CYB5R3: variants seen among roughly 807,000 people sequenced by gnomAD.
CYB5R3 encodes the protein NADH-cytochrome b5 reductase 3.
Under a neutral mutation model 36.5 loss-of-function variants are expected in CYB5R3, and 28 were observed. The observed-to-expected ratio is 0.77, with a 90% confidence interval of 0.57 to 1.05. The LOEUF is 1.05. CYB5R3 is among the 50% of genes least tolerant of loss of function. The probability of loss-of-function intolerance (pLI) is 0.00; values close to 1 mark genes in which losing one functional copy is unlikely to be tolerated. For synonymous variants in CYB5R3, 181 were observed against 159.8 expected (o/e 1.13, Z -1.00); for missense variants, 474 against 408.9 (o/e 1.16, Z -1.37).
At chr22:42,648,839 T>TAC (rs962507681) in intron 1 of CYB5R3, among the ~76,000 whole-genome samples, 9 of 135,806 alleles carry the variant, frequency 6.6e-5, no homozygotes, top group South Asian at 4.6e-4. Context: ...CATACTCCCG[T>TAC]ACACACACAC....
chr22:42,623,674 G>T lies in CYB5R3; in HGVS notation c.733+115C>A, dbSNP rs572444408. ...GGGGCCACACCACCTGCCTCCCACA[G>T]GGCCATAGTGAGTGCCAGATGTCGT... On this transcript the variant is annotated intron_variant, in intron 8 of 8. Transcript: ENST00000352397. 4.8e-6 allele frequency: 4 copies of T among 836,164 alleles called. No homozygotes were observed. In the Admixed American group the frequency reaches 5.4e-5, roughly 11 times the overall value. 51.8% of individuals were successfully genotyped at this position (836,164 alleles called of 1,614,324 possible).
At chr22:42,623,912 T>TCA (rs1004822013) in intron 7 of CYB5R3, 24 bp from the exon 8 acceptor site, 1 of 1,599,872 alleles carries the variant, frequency 6.3e-7, no homozygotes, top group Admixed American at 1.7e-5. Flanking sequence ...GGCCAGGCAG[T>TCA]CAGGAAGGAT....
chr22:42,631,315 C>T, intron 3 of CYB5R3, 63 bp downstream of exon 3: 1 of 1,467,184 alleles, frequency 6.8e-7, no homozygotes, highest in Non-Finnish European at 9.3e-7. Context: ...GCTTCCATCT[C>T]TCTGATCTAG....
chr22:42,646,482 T>C lies in CYB5R3; in HGVS notation c.21+2813A>G, dbSNP rs551802290. 3.3e-5 allele frequency among the ~76,000 whole-genome samples: 5 copies of C among 152,260 alleles called. No homozygotes were observed. The South Asian group carries it at 1.0e-3, about 32-fold the overall frequency. ...AATGCCCTGCGCAGCTGCCCACCCC[T>C]GGAATTCCCCACTGGGACCCTGGCC... On this transcript the variant is annotated intron_variant, in intron 1 of 8. Transcript: ENST00000352397.
rs1323133734 is a variant in CYB5R3, at chr22:42,631,364, G to A, written c.226+14C>T. On this transcript the variant is annotated intron_variant, in intron 3 of 8. Transcript: ENST00000352397. ...TGCCGGGCTCCGAATGGGCCCAGCA[G>A]GGGCGTGACTCACCGACAGGGAGGC... The A allele has an allele frequency of 1.1e-5, 17 of 1,551,272 alleles. No homozygotes were observed. The highest frequency in any genetic ancestry group is 2.0e-5 in the Admixed American group (1 of 51,004).
At chr22:42,634,420 A>G (rs1270582755) in intron 2 of CYB5R3, among the ~76,000 whole-genome samples, 2 of 151,974 alleles carry the variant, frequency 1.3e-5, no homozygotes, top group African/African-American at 4.8e-5. Flanking sequence ...CTCATCTGGG[A>G]GGTGGTGATT....
intron 1 of CYB5R3, chr22:42,646,805 A>G: frequency 1.0e-6 from 1 of 986,086 alleles, no homozygotes; most frequent in Non-Finnish European, 1.2e-6. Context: ...GAGAAGGAAC[A>G]GGTGGACACA....
At chr22:42,630,815 T>C in intron 4 of CYB5R3, 67 bp downstream of exon 4, 1 of 1,347,596 alleles carries the variant, frequency 7.4e-7, no homozygotes, top group Non-Finnish European at 1.0e-6. Context: ...GTCCAGGGGG[T>C]CCACATGGGC....
intron 8 of CYB5R3, among the ~76,000 whole-genome samples, chr22:42,622,153 C>G (rs1032442587): frequency 1.3e-5 from 2 of 152,168 alleles, no homozygotes; most frequent in Non-Finnish European, 2.9e-5. Context: ...ATCTCTTGAC[C>G]TCATGATCTG....
intron 2 of CYB5R3, among the ~76,000 whole-genome samples, chr22:42,634,123 G>A (rs5996198): frequency 0.014 from 2,061 of 151,920 alleles, 49 homozygotes; most frequent in African/African-American, 0.047. Flanking sequence ...AGGCCAAGTC[G>A]GGTGGATCAC....
intron 2 of CYB5R3, among the ~76,000 whole-genome samples, chr22:42,634,693 T>G (rs1451856951): frequency 1.4e-5 from 2 of 144,388 alleles, no homozygotes; most frequent in African/African-American, 5.3e-5. Flanking sequence ...TGGCACGATC[T>G]CGGCTCACTG....
At chr22:42,644,362 C>G in intron 1 of CYB5R3, 1 of 704,922 alleles carries the variant, frequency 1.4e-6, no homozygotes, top group Non-Finnish European at 2.6e-6. Flanking sequence ...TGAAGGCACC[C>G]TCTCTATGGC....
chr22:42,646,041 C>A (rs1294005846), intron 1 of CYB5R3, among the ~76,000 whole-genome samples: 1 of 152,188 alleles, frequency 6.6e-6, no homozygotes, highest in Non-Finnish European at 1.5e-5. Flanking sequence ...CAGACTCACA[C>A]GGTGGGGTGC....
chr22:42,647,863 CAAAAAAG>C (rs150223662), intron 1 of CYB5R3, among the ~76,000 whole-genome samples: 2,979 of 151,836 alleles, frequency 0.02, 77 homozygotes, highest in African/African-American at 0.058. Context: ...AGACTCTTCT[CAAAAAAG>C]AAAAAAGAAA....
chr22:42,640,728 C>T (rs1601947997), intron 1 of CYB5R3: 2 of 134,754 alleles, frequency 1.5e-5, no homozygotes, highest in South Asian at 2.5e-4. Flanking sequence ...TTCTGTCACC[C>T]GAGACAGCAA....
chr22:42,641,447 C>G (rs1299420312), intron 1 of CYB5R3, among the ~76,000 whole-genome samples: 1 of 152,156 alleles, frequency 6.6e-6, no homozygotes, highest in Non-Finnish European at 1.5e-5. Flanking sequence ...GCTGGGATTA[C>G]AGGCGCACGC....
intron 7 of CYB5R3, 31 bp from the exon 8 acceptor site, chr22:42,623,919 G>T: frequency 6.3e-7 from 1 of 1,589,562 alleles, no homozygotes; most frequent in Non-Finnish European, 8.6e-7. Context: ...CAGTCAGGAA[G>T]GATGGGTGGC....
rs1281963719 is a variant in CYB5R3, at chr22:42,627,654, G to A, written c.498C>T (p.Asn166=). Residue 166 remains asparagine (N), a synonymous_variant, in exon 6 of 9, where the codon AAC becomes AAT. Coordinates refer to ENST00000352397, the MANE Select transcript of CYB5R3 (RefSeq NM_000398.7). ...CAGACTTCACTGTCCTGATGATAGG[G>A]TTGGACTTTTTGTCAGGTCGGATGG... The part of the protein sequence containing the change: ...KFAIRPDKKS[N]PIIRTVKSVG... 1.9e-6 allele frequency: 3 copies of A among 1,614,074 alleles called. No individual in the cohort carries two copies. The highest frequency in any genetic ancestry group is 2.7e-5 in the African/African-American group (2 of 74,930).
At chr22:42,647,142 G>A (rs1431446642) in intron 1 of CYB5R3, 2 of 202,322 alleles carry the variant, frequency 9.9e-6, no homozygotes, top group African/African-American at 4.7e-5. Flanking sequence ...CAGGAGGCCT[G>A]GCTCAGAATG....
Sources: gnomAD v4.1 joint callset for allele counts (sites outside exome capture counted in the v4.1 genomes callset) on GRCh38, gnomAD v4.1.1 for gene constraint, MANE v1.5 for transcripts, NCBI Gene and HGNC (gene_info 2026-07-23, HGNC 2026-07-21) for gene names.